Variants in TDRD5 observed in about 807,000 individuals in gnomAD.
TDRD5 encodes the protein tudor domain-containing protein 5.
TDRD5 carries 41 observed loss-of-function variants against 120.6 expected under a neutral mutation model. The ratio of observed to expected loss-of-function variants is 0.34; its 90% confidence interval spans 0.26 to 0.44. The LOEUF (loss-of-function observed/expected upper bound fraction) is 0.44, where lower values mean the gene tolerates loss of function less well. Among genes scored for constraint, TDRD5 ranks in the 20% least tolerant of loss-of-function variants. The pLI is 1.00. For missense variants in TDRD5, 1,006 were observed against 1,221.2 expected (o/e 0.82, Z 2.63); for synonymous variants, 430 against 433.7 (o/e 0.99, Z 0.11).
chr1:179,616,221 A>G (rs1013948905), intron 4 of TDRD5, among the ~76,000 whole-genome samples: 11 of 152,210 alleles, frequency 7.2e-5, no homozygotes, highest in South Asian at 2.1e-4. Flanking sequence ...CCAAGCTTTT[A>G]TAATTGATTA....
chr1:179,655,412 C>G (rs1678948611), intron 14 of TDRD5, among the ~76,000 whole-genome samples: 2 of 152,018 alleles, frequency 1.3e-5, no homozygotes, highest in Non-Finnish European at 2.9e-5. Flanking sequence ...ACCTTTTTTT[C>G]CCTTGCATAA....
At chr1:179,666,765 A>AT (rs573071383) in intron 16 of TDRD5, among the ~76,000 whole-genome samples, 207 of 152,286 alleles carry the variant, frequency 1.4e-3, no homozygotes, top group African/African-American at 4.7e-3. Flanking sequence ...CCTACCAACA[A>AT]TTTAAGAGTA....
intron 4 of TDRD5, among the ~76,000 whole-genome samples, chr1:179,607,779 G>C (rs1676054135): frequency 6.6e-6 from 1 of 151,020 alleles, no homozygotes; most frequent in Non-Finnish European, 1.5e-5. Context: ...AAATGTTTAA[G>C]GTAAATAGAA....
Position 179,636,809 on chromosome 1 carries a change from C to T in TDRD5, c.1520+922C>T, listed in dbSNP as rs538219454. Among the ~76,000 whole-genome samples, 3 of 152,306 alleles carry T rather than the reference C, an allele frequency of 2.0e-5. No individual in the cohort carries two copies. The East Asian group carries it at 5.8e-4, about 29-fold the overall frequency. ...TTTTACTCGAAAGTTTGATTTTTGT[C>T]ATTGACAACATGTACTGTGAGTTGT... is the stretch of plus-strand genomic sequence containing the variant. On this transcript the variant is annotated intron_variant, in intron 9 of 17. Coordinates refer to ENST00000444136, the MANE Select transcript of TDRD5 (RefSeq NM_001199085.3).
chr1:179,628,945 T>TG (rs139450203), intron 6 of TDRD5, among the ~76,000 whole-genome samples: 9 of 151,660 alleles, frequency 5.9e-5, no homozygotes, highest in Non-Finnish European at 4.4e-5. Context: ...TTGTTGTTGT[T>TG]TTTGCCAATT....
chr1:179,623,093 T>C (rs1676922408), intron 6 of TDRD5, among the ~76,000 whole-genome samples: 2 of 152,210 alleles, frequency 1.3e-5, no homozygotes, highest in South Asian at 4.1e-4. Context: ...ACATCTTTAA[T>C]GTACTCAAAA....
intron 7 of TDRD5, among the ~76,000 whole-genome samples, chr1:179,632,379 G>T (rs1172657131): frequency 6.7e-6 from 1 of 150,174 alleles, no homozygotes; most frequent in African/African-American, 2.4e-5. Context: ...TGAATGAGTG[G>T]TTATGATGGA....
chr1:179,633,888 T>C (rs889122887), intron 7 of TDRD5, among the ~76,000 whole-genome samples: 1 of 151,592 alleles, frequency 6.6e-6, no homozygotes, highest in African/African-American at 2.4e-5. Context: ...TTAAGAAACC[T>C]TGGCTGGGCG....
At chr1:179,652,270 C>T (rs1249546567) in intron 13 of TDRD5, 73 bp downstream of exon 13, 14 of 1,429,504 alleles carry the variant, frequency 9.8e-6, no homozygotes, top group East Asian at 7.9e-5. Context: ...ATGAAGAAAC[C>T]AAGGCTTTCC....
At chr1:179,646,314 C>T (rs1424725432) in intron 11 of TDRD5, among the ~76,000 whole-genome samples, 1 of 152,022 alleles carries the variant, frequency 6.6e-6, no homozygotes, top group African/African-American at 2.4e-5. Flanking sequence ...ATTTTTAACC[C>T]CTCAAGAAAT....
chr1:179,648,541 A>C (rs1026247687), intron 11 of TDRD5, among the ~76,000 whole-genome samples: 1 of 149,564 alleles, frequency 6.7e-6, no homozygotes, highest in Admixed American at 6.7e-5. Context: ...ACATGTATAC[A>C]TATGTAACTA....
At chr1:179,603,247 A>G (rs1675811296) in intron 4 of TDRD5, among the ~76,000 whole-genome samples, 1 of 151,992 alleles carries the variant, frequency 6.6e-6, no homozygotes, top group Non-Finnish European at 1.5e-5. Context: ...ACTTTGCTTA[A>G]CTCTTTTATC....
At chr1:179,616,068 C>A (rs1303789429) in intron 4 of TDRD5, among the ~76,000 whole-genome samples, 1 of 152,010 alleles carries the variant, frequency 6.6e-6, no homozygotes, top group African/African-American at 2.4e-5. Flanking sequence ...TACCTTTTCC[C>A]ACAGCCATTT....
chr1:179,637,119 TAGA>T (rs1677805206), intron 9 of TDRD5, among the ~76,000 whole-genome samples: 1 of 152,250 alleles, frequency 6.6e-6, no homozygotes, highest in South Asian at 2.1e-4. Context: ...ATTGTTGTCA[TAGA>T]AGAATAATTT....
chr1:179,606,488 T>G (rs543178176), intron 4 of TDRD5, among the ~76,000 whole-genome samples: 11 of 152,266 alleles, frequency 7.2e-5, no homozygotes, highest in East Asian at 1.9e-4. Flanking sequence ...GCCTTTGGTG[T>G]TGTTTCTAGA....
At chr1:179,668,682 T>C (rs964763936) in intron 16 of TDRD5, among the ~76,000 whole-genome samples, 2 of 152,020 alleles carry the variant, frequency 1.3e-5, no homozygotes, top group Non-Finnish European at 2.9e-5. Context: ...GTTTCTTGAA[T>C]TGAATTTATG....
intron 2 of TDRD5, among the ~76,000 whole-genome samples, chr1:179,593,168 GA>G (rs1675209459): frequency 2.6e-5 from 4 of 152,158 alleles, no homozygotes; most frequent in Admixed American, 2.0e-4. Flanking sequence ...TGAAGCACAA[GA>G]AAAAACTATT....
intron 8 of TDRD5, among the ~76,000 whole-genome samples, chr1:179,635,080 T>A (rs930615937): frequency 7.9e-5 from 12 of 152,338 alleles, no homozygotes; most frequent in African/African-American, 1.9e-4. Flanking sequence ...ATTTTGTTGT[T>A]ATTAAGGAAT....
chr1:179,592,955 A>G (rs1675197021), intron 2 of TDRD5, 108 bp downstream of exon 2: 1 of 1,165,362 alleles, frequency 8.6e-7, no homozygotes, highest in African/African-American at 1.5e-5. Flanking sequence ...AGTGGATTTT[A>G]ATTTGGTGGG....
Sources: allele counts gnomAD v4.1 joint callset (sites outside exome capture counted in the v4.1 genomes callset), GRCh38; gene constraint gnomAD v4.1.1; transcripts MANE v1.5; gene names NCBI Gene and HGNC (gene_info 2026-07-23, HGNC 2026-07-21).